Variants in CATSPERT observed in about 807,000 individuals in gnomAD.
The protein encoded by CATSPERT is catsper channel auxiliary subunit tau.
the CATSPERT span, among the ~76,000 whole-genome samples, chr2:201,580,773 A>G: frequency 6.6e-6 from 1 of 152,226 alleles, no homozygotes; most frequent in Admixed American, 6.5e-5. Context: ...TGAGTTCAAC[A>G]CAACCACAAA....
the CATSPERT span, among the ~76,000 whole-genome samples, chr2:201,496,724 G>A: frequency 3.9e-5 from 6 of 152,366 alleles, no homozygotes; most frequent in South Asian, 1.2e-3. Flanking sequence ...AAATCAAGAT[G>A]TGTGGGAACA....
chr2:201,521,945 T>C, the CATSPERT span, among the ~76,000 whole-genome samples: 4 of 152,212 alleles, frequency 2.6e-5, no homozygotes, highest in Non-Finnish European at 5.9e-5. Context: ...CATCCCTTTA[T>C]GATAAAAACT....
the CATSPERT span, among the ~76,000 whole-genome samples, chr2:201,594,947 T>C: frequency 6.6e-6 from 1 of 152,070 alleles, no homozygotes; most frequent in Non-Finnish European, 1.5e-5. Flanking sequence ...CTCGGAGTAA[T>C]TTGATTGTCT....
At chr2:201,614,600 A>G in the CATSPERT span, among the ~76,000 whole-genome samples, 1 of 152,234 alleles carries the variant, frequency 6.6e-6, no homozygotes, top group East Asian at 1.9e-4. Flanking sequence ...AGCCACTGCA[A>G]AAACATGCCA....
chr2:201,556,880 GA>G, the CATSPERT span: 42 of 151,218 alleles, frequency 2.8e-4, no homozygotes, highest in African/African-American at 9.4e-4. Context: ...AGCAAAAAAA[GA>G]AAAAAGTAAT....
the CATSPERT span, chr2:201,565,782 G>A: frequency 1.2e-6 from 2 of 1,610,200 alleles, no homozygotes; most frequent in Non-Finnish European, 1.7e-6. Context: ...ATGGCTGGTT[G>A]GAGGATTGCA....
At chr2:201,565,353 A>G in the CATSPERT span, among the ~76,000 whole-genome samples, 2 of 151,338 alleles carry the variant, frequency 1.3e-5, no homozygotes, top group African/African-American at 4.9e-5. Flanking sequence ...ATGTGTCTGT[A>G]GTCCCTGCTT....
At chr2:201,489,404 G>T in the CATSPERT span, among the ~76,000 whole-genome samples, 5 of 152,080 alleles carry the variant, frequency 3.3e-5, no homozygotes, top group South Asian at 1.0e-3. Context: ...GTGTAGACAC[G>T]TGTGTATATA....
the CATSPERT span, among the ~76,000 whole-genome samples, chr2:201,599,055 C>G: frequency 6.6e-6 from 1 of 152,114 alleles, no homozygotes; most frequent in Non-Finnish European, 1.5e-5. Flanking sequence ...CCCCAAAAGG[C>G]CTAGACTCTC....
chr2:201,523,457 CAA>C, the CATSPERT span, among the ~76,000 whole-genome samples: 1 of 152,154 alleles, frequency 6.6e-6, no homozygotes, highest in African/African-American at 2.4e-5. Flanking sequence ...GCCAAACCCT[CAA>C]GGGAATCAAA....
chr2:201,601,700 A>G, the CATSPERT span: 1 of 1,559,390 alleles, frequency 6.4e-7, no homozygotes, highest in Non-Finnish European at 8.7e-7. Flanking sequence ...TGGAACTATA[A>G]GGAGCCATTC....
chr2:201,596,478 C>G, the CATSPERT span, among the ~76,000 whole-genome samples: 1 of 152,098 alleles, frequency 6.6e-6, no homozygotes, highest in African/African-American at 2.4e-5. Flanking sequence ...GAGTACTAGG[C>G]TTAATACCTG....
chr2:201,493,700 C>G, the CATSPERT span: 1 of 1,537,400 alleles, frequency 6.5e-7, no homozygotes, highest in Non-Finnish European at 8.7e-7. Flanking sequence ...GGCTCTTTCA[C>G]TTCTATCTCC....
chr2:201,536,597 G>A, the CATSPERT span, among the ~76,000 whole-genome samples: 4 of 151,818 alleles, frequency 2.6e-5, no homozygotes, highest in Admixed American at 2.0e-4. Flanking sequence ...AAAAATCTGA[G>A]GGTCTGACAT....
At chr2:201,563,011 G>A in the CATSPERT span, among the ~76,000 whole-genome samples, 2 of 150,456 alleles carry the variant, frequency 1.3e-5, no homozygotes, top group East Asian at 2.0e-4. Flanking sequence ...ATCCTGGCCC[G>A]TTCTCAATGA....
the CATSPERT span, among the ~76,000 whole-genome samples, chr2:201,570,449 A>C: frequency 7.2e-5 from 11 of 152,196 alleles, no homozygotes; most frequent in African/African-American, 2.7e-4. Flanking sequence ...AATATTTATT[A>C]ATTTTATAAA....
chr2:201,530,554 T>C, the CATSPERT span, among the ~76,000 whole-genome samples: 16 of 144,842 alleles, frequency 1.1e-4, no homozygotes. Flanking sequence ...TTCCCAACAG[T>C]ACCATCAATC....
chr2:201,545,702 C>G, the CATSPERT span: 14 of 975,640 alleles, frequency 1.4e-5, no homozygotes, highest in Admixed American at 3.3e-5. Context: ...AAACATTTTC[C>G]TCTGCCTTCA....
the CATSPERT span, chr2:201,487,560 TATCA>T: frequency 6.7e-7 from 1 of 1,503,528 alleles, no homozygotes. Context: ...TGGCCTCACA[TATCA>T]TTCTGAGTTA....
Sources: allele counts gnomAD v4.1 joint callset (sites outside exome capture counted in the v4.1 genomes callset), GRCh38; gene constraint gnomAD v4.1.1; transcripts MANE v1.5; gene names NCBI Gene and HGNC (gene_info 2026-07-23, HGNC 2026-07-21).